Variants in FOXF2 observed in about 807,000 individuals in gnomAD.
The protein encoded by FOXF2 is forkhead box protein F2.
FOXF2 carries 15 observed loss-of-function variants against 29.1 expected under a neutral mutation model. That is an observed-to-expected ratio of 0.52 (90% confidence interval 0.35 to 0.79). The LOEUF (loss-of-function observed/expected upper bound fraction) is 0.79, where lower values mean the gene tolerates loss of function less well. Among genes scored for constraint, FOXF2 ranks in the 30% least tolerant of loss-of-function variants. FOXF2 has a pLI of 0.01. For missense variants in FOXF2, 675 were observed against 667.1 expected (o/e 1.01, Z -0.13); for synonymous variants, 337 against 316.5 (o/e 1.06, Z -0.69).
chr6:1,390,959 G>A lies in FOXF2; in HGVS notation c.1012G>A (p.Ala338Thr), dbSNP rs1407799854. 6.3e-6 allele frequency: 10 copies of A among 1,591,760 alleles called. No homozygotes were observed. The East Asian group carries it at 1.6e-4, about 25-fold the overall frequency. ...CCACTCGCCCTACACGAGCCCTGCG[G>A]CGCACTGGAGCTCGCCTGGCGCCTC... The part of the protein sequence containing the change: ...ECHSPYTSPA[A>T]HWSSPGASPY... The change falls in exon 1 of 2, where the codon GCG (alanine) becomes ACG (threonine). Residue 338 changes from alanine (A) to threonine (T), a missense_variant. Coordinates refer to ENST00000645481, the MANE Select transcript of FOXF2 (RefSeq NM_001452.2). This position sits in a 1 kb window ranked among gnomAD's most constrained non-coding sequence, Gnocchi z 8.5.
At chr6:1,394,559 G>A (rs183928490) in intron 1 of FOXF2, 137 bp from the exon 2 acceptor site, 20 of 769,218 alleles carry the variant, frequency 2.6e-5, no homozygotes, top group African/African-American at 2.4e-4. Flanking sequence ...TCTAAAGCTG[G>A]GCTTTCTCTA....
chr6:1,390,045 C>T lies in FOXF2; in HGVS notation c.98C>T (p.Ala33Val), dbSNP rs1758742885. ...LQAALMSPPP[A>V]AAAAAAAAPE... is the part of the protein sequence containing the mutation. Reference sequence around the variant, plus strand: ...GCCGCCCTGATGAGCCCGCCGCCCGCCGCCGCCGCCGCCGCCGCCGCCGCC... The same window carrying T: ...GCCGCCCTGATGAGCCCGCCGCCCGTCGCCGCCGCCGCCGCCGCCGCCGCC... Residue 33 changes from alanine (A) to valine (V), a missense_variant, in exon 1 of 2, where the codon GCC becomes GTC. Ala to Val is a moderately conservative substitution (Grantham distance 64, BLOSUM62 0). Coordinates refer to ENST00000645481, the MANE Select transcript of FOXF2 (RefSeq NM_001452.2). The surrounding 1 kb of genome is among the most constrained non-coding windows in gnomAD (Gnocchi z 8.5). The T allele has an allele frequency of 1.5e-6, 2 of 1,338,894 alleles. No homozygotes were observed. Among genetic ancestry groups the T allele is most frequent in the Non-Finnish European group, 9.7e-7 (1 of 1,035,618 alleles). The allele number at this position is 1,338,894 out of a possible 1,614,324, so 82.9% of individuals were successfully genotyped here. A position where few individuals can be genotyped will look rare whatever the true frequency, so the allele number is the denominator to read the frequency against.
chr6:1,394,635 A>T, intron 1 of FOXF2, 61 bp from the exon 2 acceptor site: 2 of 1,550,526 alleles, frequency 1.3e-6, no homozygotes, highest in Middle Eastern at 1.7e-4. Context: ...AAAATAAGAC[A>T]CCCTGCCATC....
chr6:1,394,401 G>C (rs1175422679), intron 1 of FOXF2, among the ~76,000 whole-genome samples: 1 of 152,128 alleles, frequency 6.6e-6, no homozygotes, highest in Non-Finnish European at 1.5e-5. Flanking sequence ...TAAAGTGCAC[G>C]CCCCAGCCTC....
In FOXF2 at chr6:1,390,640, G is replaced by A. The variant is rs1462633116; in HGVS notation, c.693G>A (p.Pro231=). 4 of 1,577,926 alleles carry A rather than the reference G, an allele frequency of 2.5e-6. No individual in the cohort carries two copies. The South Asian group carries it at 3.4e-5, about 13-fold the overall frequency. Residue 231 remains proline, a synonymous_variant, in exon 1 of 2, where the codon CCG becomes CCA. Transcript: ENST00000645481. The surrounding 1 kb of genome is among the most constrained non-coding windows in gnomAD (Gnocchi z 8.5). ...LPQGFDFQAP[P]SAPLGCHSQG... ...AGGGCTTCGACTTCCAGGCGCCCCC[G>A]TCGGCGCCGCTCGGCTGCCACAGCC...
chr6:1,394,104 G>A (rs1285822766), intron 1 of FOXF2, among the ~76,000 whole-genome samples: 1 of 152,248 alleles, frequency 6.6e-6, no homozygotes, highest in Non-Finnish European at 1.5e-5. Flanking sequence ...GCCTGCGGAG[G>A]GGCAGGAGAA....
rs755919173 is a variant in FOXF2 at position 1,394,828 on chromosome 6, T to A, written c.1304T>A (p.Val435Asp). 1.2e-5 allele frequency: 19 copies of A among 1,614,032 alleles called. No individual in the cohort carries two copies. The Admixed American group carries it at 1.7e-4, about 14-fold the overall frequency. ...GSYYHHHHQS[V>D]CQDIKPCVM ...TATTATCACCATCACCACCAGAGCG[T>A]CTGTCAGGATATTAAGCCCTGCGTC... The change falls in exon 2 of 2, where the codon GTC (valine) becomes GAC (aspartate). Residue 435 changes from valine (V) to aspartate (D), a missense_variant. By Grantham distance (152) the Val-to-Asp change is radical (BLOSUM62 -3). This residue lies in a region of FOXF2 where 451 missense variants were observed against 437.2 expected (regional missense o/e 1.03). Transcript: ENST00000645481.
rs1243213861 is a variant in FOXF2 at position 1,394,727 on chromosome 6, T to C, written c.1203T>C (p.Thr401=). Residue 401 remains threonine (T), a synonymous_variant, in exon 2 of 2, where the codon ACT becomes ACC. Coordinates refer to ENST00000645481, the MANE Select transcript of FOXF2 (RefSeq NM_001452.2). The part of the protein sequence containing the change: ...VGLPRYQHHS[T]PVCDRKDFVL... Reference sequence around the variant, plus strand: ...TGCCCCGTTACCAGCATCACTCTACTCCAGTGTGTGACAGAAAAGATTTCG... The same window carrying C: ...TGCCCCGTTACCAGCATCACTCTACCCCAGTGTGTGACAGAAAAGATTTCG... 9 of 1,613,980 alleles carry C rather than the reference T, an allele frequency of 5.6e-6. No individual in the cohort carries two copies. In the Admixed American group the frequency reaches 1.5e-4, roughly 27 times the overall value.
chr6:1,392,433 A>ATCAC (rs200959948), intron 1 of FOXF2, among the ~76,000 whole-genome samples: 24,975 of 86,028 alleles, frequency 0.29, 2,500 homozygotes, highest in African/African-American at 0.37. Flanking sequence ...CCGGCTGTCA[A>ATCAC]TCACACACAC....
At position 1,390,723 on chromosome 6, in the gene FOXF2, C is replaced by T. The variant is rs769850882; in HGVS notation, c.776C>T (p.Ala259Val). The change falls in exon 1 of 2, where the codon GCC (alanine) becomes GTC (valine). Residue 259 changes from alanine to valine, a missense_variant. Physicochemically the swap from Ala to Val is moderately conservative, Grantham distance 64. This residue lies in a region of FOXF2 where 451 missense variants were observed against 437.2 expected (regional missense o/e 1.03). Coordinates refer to ENST00000645481, the MANE Select transcript of FOXF2 (RefSeq NM_001452.2). This position sits in a 1 kb window ranked among gnomAD's most constrained non-coding sequence, Gnocchi z 8.5. ...GCGGGCTACGACGCCGGCGCGGGCG[C>T]CCCCAGCCACGCGCACCCTCACCAC... The part of the protein sequence containing the change: ...MPAGYDAGAG[A>V]PSHAHPHHHH... The T allele has an allele frequency of 1.4e-6, 2 of 1,432,762 alleles. No individual in the cohort carries two copies. The highest frequency in any genetic ancestry group is 2.8e-5 in the East Asian group (1 of 35,486). 88.8% of individuals were successfully genotyped at this position (1,432,762 alleles called of 1,614,324 possible). A position where few individuals can be genotyped will look rare whatever the true frequency, so the allele number is the denominator to read the frequency against.
intron 1 of FOXF2, among the ~76,000 whole-genome samples, chr6:1,391,693 AG>A (rs1467789428): frequency 6.6e-6 from 1 of 152,106 alleles, no homozygotes; most frequent in East Asian, 1.9e-4. Context: ...TTGCCAGTGG[AG>A]GGGGTCACCA....
At chr6:1,394,329 C>T (rs1202127401) in intron 1 of FOXF2, among the ~76,000 whole-genome samples, 1 of 152,126 alleles carries the variant, frequency 6.6e-6, no homozygotes, top group Non-Finnish European at 1.5e-5. Flanking sequence ...GGAGCTCTGC[C>T]GGGAGAGACC....
intron 1 of FOXF2, among the ~76,000 whole-genome samples, chr6:1,392,049 G>C (rs997449974): frequency 2.5e-4 from 38 of 152,168 alleles, no homozygotes; most frequent in African/African-American, 8.9e-4. Flanking sequence ...AAATCCCATG[G>C]GCCTGCCAGT....
At chr6:1,393,643 G>C (rs942940933) in intron 1 of FOXF2, among the ~76,000 whole-genome samples, 1 of 152,146 alleles carries the variant, frequency 6.6e-6, no homozygotes, top group Non-Finnish European at 1.5e-5. Flanking sequence ...GCCCGAGCCC[G>C]GCGGGCCGTG....
At position 1,390,238 on chromosome 6, in the gene FOXF2, G is replaced by A. The variant is rs746550997; in HGVS notation, c.291G>A (p.Arg97=). The A allele has an allele frequency of 9.4e-6, 15 of 1,602,072 alleles. No homozygotes were observed. In the African/African-American group the frequency reaches 1.9e-4, roughly 20 times the overall value. The change falls in exon 1 of 2, where the codon CGG becomes CGA. Residue 97 remains arginine (R), a synonymous_variant. Transcript: ENST00000645481. This position sits in a 1 kb window ranked among gnomAD's most constrained non-coding sequence, Gnocchi z 8.5. ...GAKKASSGLR[R]PEKPPYSYIA... Reference sequence around the variant, plus strand: ...AGAAGGCGAGCTCGGGGCTGCGGCGGCCCGAGAAGCCGCCCTACTCGTACA... The same window carrying A: ...AGAAGGCGAGCTCGGGGCTGCGGCGACCCGAGAAGCCGCCCTACTCGTACA...
In FOXF2 at chr6:1,390,774, T is replaced by A. The variant is rs935877865; in HGVS notation, c.827T>A (p.Met276Lys). Residue 276 changes from methionine to lysine, a missense_variant, in exon 1 of 2, where the codon ATG (methionine) becomes AAG (lysine). By Grantham distance (95) the Met-to-Lys change is moderately conservative. This residue lies in a region of FOXF2 where 451 missense variants were observed against 437.2 expected (regional missense o/e 1.03). Coordinates refer to ENST00000645481, the MANE Select transcript of FOXF2 (RefSeq NM_001452.2). This position sits in a 1 kb window ranked among gnomAD's most constrained non-coding sequence, Gnocchi z 8.5. ...HHHHHHHVPHMSPNPGSTYMA... is the reference protein window; with the variant it reads ...HHHHHHHVPHKSPNPGSTYMA... ...CACCACCACCACCACGTCCCGCACATGTCGCCCAACCCGGGTTCCACCTAC... is the reference window on the plus strand; with the variant it reads ...CACCACCACCACCACGTCCCGCACAAGTCGCCCAACCCGGGTTCCACCTAC... The A allele has an allele frequency of 5.0e-6, 7 of 1,393,088 alleles. No homozygotes were observed. The Admixed American group carries it at 2.5e-4, about 50-fold the overall frequency. The allele number at this position is 1,393,088 out of a possible 1,614,324, so 86.3% of individuals were successfully genotyped here. A position where few individuals can be genotyped will look rare whatever the true frequency, so the allele number is the denominator to read the frequency against.
At position 1,394,857 on chromosome 6, in the gene FOXF2, T is replaced by C; in HGVS notation, c.1333T>C (p.Ter445ArgextTer20). 6.2e-7 allele frequency: 1 copy of C among 1,614,164 alleles called. No individual in the cohort carries two copies. The highest frequency in any genetic ancestry group is 8.5e-7 in the Non-Finnish European group (1 of 1,180,020). ...TCAGGATATTAAGCCCTGCGTCATG[T>C]GAACGGAAAGAGGCCAAGCGATGGC... ...VCQDIKPCVM[*>R] Residue 445 changes from the stop codon to arginine, a stop_lost, in exon 2 of 2, where the codon TGA becomes CGA. Transcript: ENST00000645481.
chr6:1,393,726 C>T (rs1758843813), intron 1 of FOXF2, among the ~76,000 whole-genome samples: 1 of 152,228 alleles, frequency 6.6e-6, no homozygotes, highest in Non-Finnish European at 1.5e-5. Context: ...CCACACCACT[C>T]GGTTAACTAA....
chr6:1,390,986 C>A lies in FOXF2; in HGVS notation c.1039C>A (p.Pro347Thr). Residue 347 changes from proline (P) to threonine (T), a missense_variant, in exon 1 of 2, where the codon CCT becomes ACT. By Grantham distance (38) the Pro-to-Thr change is conservative. Around this residue, in one of 3 missense-constraint regions of FOXF2, gnomAD observed 451 missense variants for 437.2 expected, o/e 1.03. Transcript: ENST00000645481. The surrounding 1 kb of genome is among the most constrained non-coding windows in gnomAD (Gnocchi z 8.5). ...GCACTGGAGCTCGCCTGGCGCCTCG[C>A]CTTACCTCAAGCAGCCGCCTGCCCT... is the stretch of plus-strand genomic sequence containing the variant. ...AAHWSSPGASPYLKQPPALTP... is the reference protein window; with the variant it reads ...AAHWSSPGASTYLKQPPALTP... 2 of 1,596,414 alleles carry A rather than the reference C, an allele frequency of 1.3e-6. No homozygotes were observed. Among genetic ancestry groups the A allele is most frequent in the Non-Finnish European group, 1.7e-6 (2 of 1,178,054 alleles).
Sources: gnomAD v4.1 joint callset for allele counts (sites outside exome capture counted in the v4.1 genomes callset) on GRCh38, gnomAD v4.1.1 for gene constraint, gnomAD v4.1.1 regional missense constraint, Gnocchi (gnomAD v3.1) non-coding constraint, MANE v1.5 for transcripts, NCBI Gene and HGNC (gene_info 2026-07-23, HGNC 2026-07-21) for gene names.